The following FOCAD variants were observed in gnomAD, a reference collection of about 807,000 sequenced individuals.
FOCAD encodes focadhesin, also known as KIAA1797.
A neutral mutation model predicts 225.6 loss-of-function variants in FOCAD; 198 were observed. The ratio of observed to expected loss-of-function variants is 0.88; its 90% CI spans 0.78 to 0.99. FOCAD has a LOEUF of 0.99. Among genes scored for constraint, FOCAD ranks in the 50% least tolerant of loss-of-function variants. The pLI, the probability that FOCAD is intolerant of heterozygous loss-of-function variation, is 0.00. For synonymous variants in FOCAD, 897 were observed against 755.0 expected, an observed-to-expected ratio of 1.19 and a Z score of -3.08; for missense variants, 2,713 against 2,123.6, an observed-to-expected ratio of 1.28 and a Z score of -5.46.
rs1375298178 is a variant in FOCAD, at chr9:20,845,441, C to CTATA, written c.1921-17137_1921-17136insTATA. ...TGATATATTTTATGCATCTTTTCCT[C>CTATA]GATATATATATATATATATATATAT... On this transcript the variant is annotated intron_variant, in intron 15 of 43. Coordinates refer to ENST00000338382, the MANE Select transcript of FOCAD (RefSeq NM_001375567.1). 5.1e-3 allele frequency among the ~76,000 whole-genome samples: 244 copies of CTATA among 48,046 alleles called. 2 individuals carry two copies. The highest frequency in any genetic ancestry group is 5.0e-3 in the Non-Finnish European group (112 of 22,568). The allele number at this position is 48,046 out of a possible 152,430, so 31.5% of individuals were successfully genotyped here.
At chr9:20,725,222 T>G (rs1281968138) in intron 4 of FOCAD, among the ~76,000 whole-genome samples, 1 of 152,202 alleles carries the variant, frequency 6.6e-6, no homozygotes, top group Non-Finnish European at 1.5e-5. Context: ...TGACTTTGGG[T>G]GAGACAGTTT....
At chr9:20,858,444 T>C (rs1828429800) in intron 15 of FOCAD, among the ~76,000 whole-genome samples, 1 of 152,156 alleles carries the variant, frequency 6.6e-6, no homozygotes, top group East Asian at 1.9e-4. Flanking sequence ...TGAATGTTTT[T>C]TGTAATGTCC....
At chr9:20,692,620 C>T (rs1238711353) in intron 1 of FOCAD, among the ~76,000 whole-genome samples, 4 of 152,192 alleles carry the variant, frequency 2.6e-5, no homozygotes, top group African/African-American at 9.7e-5. Context: ...TAGTGATCGG[C>T]ACTGGTAGGT....
chr9:20,952,889 T>C (rs1289629981), intron 34 of FOCAD, 96 bp from the exon 35 acceptor site: 5 of 925,034 alleles, frequency 5.4e-6, no homozygotes, highest in Non-Finnish European at 6.9e-6. Context: ...ATCTCCACTT[T>C]GTCTCTAGGT....
chr9:20,657,038 G>A (rs1185253498), upstream of FOCAD, among the ~76,000 whole-genome samples: 9 of 152,068 alleles, frequency 5.9e-5, no homozygotes, highest in Non-Finnish European at 1.3e-4. Context: ...CGCTTATGAA[G>A]CTTAGTTTGG....
intron 21 of FOCAD, among the ~76,000 whole-genome samples, chr9:20,900,356 C>G (rs537904654): frequency 4.3e-4 from 66 of 151,896 alleles, no homozygotes; most frequent in African/African-American, 1.5e-3. Context: ...CTTATCCAGA[C>G]CTATTGGCAG....
At chr9:20,815,137 G>GTTTTTGTTTTTTTTTTTTTTTTTTTT (rs1823563180) in intron 11 of FOCAD, among the ~76,000 whole-genome samples, 1 of 69,118 alleles carries the variant, frequency 1.4e-5, no homozygotes, top group African/African-American at 6.0e-5. Flanking sequence ...TTTTTTTTTT[G>GTTTTTGTTTTTTTTTTTTTTTTTTTT]TTTTTTTTTT....
At chr9:20,856,119 G>A (rs1828155047) in intron 15 of FOCAD, among the ~76,000 whole-genome samples, 1 of 151,758 alleles carries the variant, frequency 6.6e-6, no homozygotes, top group Admixed American at 6.6e-5. Flanking sequence ...ATTCAGCAGT[G>A]GGACTGCTGG....
intron 11 of FOCAD, among the ~76,000 whole-genome samples, chr9:20,798,744 CTTT>C (rs1490745671): frequency 6.6e-6 from 1 of 151,916 alleles, no homozygotes; most frequent in Non-Finnish European, 1.5e-5. Context: ...CTCTTTTCTT[CTTT>C]ATTAATCTTG....
intron 5 of FOCAD, among the ~76,000 whole-genome samples, chr9:20,756,247 C>G (rs908713021): frequency 6.6e-6 from 1 of 151,998 alleles, no homozygotes; most frequent in African/African-American, 2.4e-5. Flanking sequence ...CTTTAGCAAG[C>G]AGGAGGCTGC....
intron 15 of FOCAD, among the ~76,000 whole-genome samples, chr9:20,835,570 T>G (rs1825914020): frequency 6.6e-6 from 1 of 152,090 alleles, no homozygotes; most frequent in Admixed American, 6.6e-5. Context: ...AAGAATCAAG[T>G]AACATTGCTA....
chr9:20,918,114 A>G (rs1324253344), intron 24 of FOCAD, among the ~76,000 whole-genome samples: 2 of 152,192 alleles, frequency 1.3e-5, no homozygotes, highest in Admixed American at 1.3e-4. Context: ...GGATGCTGGG[A>G]TGAGAATGCA....
At chr9:20,770,756 T>G (rs1252247943) in intron 8 of FOCAD, among the ~76,000 whole-genome samples, 3 of 152,244 alleles carry the variant, frequency 2.0e-5, no homozygotes, top group East Asian at 1.9e-4. Context: ...TAGAGGCATT[T>G]TGATCTAATA....
chr9:20,922,433 G>T (rs1010715340), intron 24 of FOCAD, among the ~76,000 whole-genome samples: 1 of 152,148 alleles, frequency 6.6e-6, no homozygotes, highest in Non-Finnish European at 1.5e-5. Flanking sequence ...AAGGAAGGAT[G>T]GGCGAATAGA....
intron 1 of FOCAD, among the ~76,000 whole-genome samples, chr9:20,685,373 G>A (rs1334261673): frequency 6.6e-6 from 1 of 152,104 alleles, no homozygotes; most frequent in Admixed American, 6.5e-5. Flanking sequence ...TAGATGGCAT[G>A]TTTCCTGAAC....
At chr9:20,793,752 G>T (rs77435438) in intron 11 of FOCAD, among the ~76,000 whole-genome samples, 63 of 152,278 alleles carry the variant, frequency 4.1e-4, no homozygotes, top group African/African-American at 1.4e-3. Context: ...TCTAAGTGAT[G>T]GGCTTCTAGT....
intron 5 of FOCAD, among the ~76,000 whole-genome samples, chr9:20,753,126 C>G (rs1216940874): frequency 1.3e-5 from 2 of 152,152 alleles, no homozygotes; most frequent in Non-Finnish European, 2.9e-5. Flanking sequence ...TTGACTTCCT[C>G]TTTTCCTAAC....
intron 1 of FOCAD, among the ~76,000 whole-genome samples, chr9:20,714,634 G>GCCTGCCTGCCTTCCTT (rs1270720981): frequency 3.7e-4 from 44 of 120,094 alleles, no homozygotes; most frequent in African/African-American, 1.2e-3. Context: ...CTGCCTGCCT[G>GCCTGCCTGCCTTCCTT]CCTTCCTTCC....
intron 35 of FOCAD, among the ~76,000 whole-genome samples, chr9:20,967,439 A>G (rs1223840558): frequency 6.6e-6 from 1 of 152,096 alleles, no homozygotes; most frequent in Non-Finnish European, 1.5e-5. Context: ...GATTTTCTCT[A>G]TATAGGATCA....
Sources: gnomAD v4.1 joint callset for allele counts (sites outside exome capture counted in the v4.1 genomes callset) on GRCh38, gnomAD v4.1.1 for gene constraint, MANE v1.5 for transcripts, NCBI Gene and HGNC (gene_info 2026-07-23, HGNC 2026-07-21) for gene names.